TENM3: variants seen among roughly 807,000 people sequenced by gnomAD.
TENM3 encodes the protein teneurin-3.
TENM3 carries 63 observed loss-of-function variants against 255.1 expected under a neutral mutation model. That is an observed-to-expected ratio of 0.25 (90% CI 0.20 to 0.30). TENM3 has a LOEUF of 0.30. TENM3 is among the 10% of genes least tolerant of loss of function. The probability of loss-of-function intolerance (pLI) is 1.00; values close to 1 mark genes in which losing one functional copy is unlikely to be tolerated. For missense variants in TENM3, 2,929 were observed against 3,461.1 expected (o/e 0.85, Z 3.86); for synonymous variants, 1,306 against 1,322.3 (o/e 0.99, Z 0.27).
the TENM3 span, among the ~76,000 whole-genome samples, chr4:182,030,405 CATG>C: frequency 6.6e-6 from 1 of 152,086 alleles, no homozygotes; most frequent in Admixed American, 6.5e-5. Context: ...CTGCAAAAGA[CATG>C]ATGTTGTTCC....
chr4:182,288,164 G>A (rs952856337), intron 1 of TENM3, among the ~76,000 whole-genome samples: 8 of 151,998 alleles, frequency 5.3e-5, no homozygotes, highest in Admixed American at 4.6e-4. Context: ...TCGAACTCCC[G>A]ACCTCAGGTG....
the TENM3 span, among the ~76,000 whole-genome samples, chr4:181,903,355 G>C: frequency 6.6e-6 from 1 of 152,142 alleles, no homozygotes; most frequent in Admixed American, 6.5e-5. Flanking sequence ...ACAGTGTCTA[G>C]AATTATATTA....
intron 3 of TENM3, among the ~76,000 whole-genome samples, chr4:182,506,582 T>A (rs1016202327): frequency 6.6e-6 from 1 of 152,188 alleles, no homozygotes; most frequent in Non-Finnish European, 1.5e-5. Context: ...GTATTAAAAT[T>A]AAAAAATAGT....
the TENM3 span, among the ~76,000 whole-genome samples, chr4:181,678,059 A>G: frequency 1.3e-5 from 2 of 152,142 alleles, no homozygotes; most frequent in East Asian, 1.9e-4. Context: ...TTTTGCCCTC[A>G]TTCAACAAAT....
the TENM3 span, among the ~76,000 whole-genome samples, chr4:181,662,738 C>T: frequency 4.6e-5 from 7 of 152,164 alleles, no homozygotes; most frequent in Admixed American, 3.3e-4. Context: ...CAACTAAGTG[C>T]TTTATATTCT....
intron 3 of TENM3, among the ~76,000 whole-genome samples, chr4:182,358,402 G>A (rs946619374): frequency 6.6e-6 from 1 of 151,054 alleles, no homozygotes; most frequent in Admixed American, 6.6e-5. Context: ...ATTGAGCAGT[G>A]GTTTGTAGTT....
At chr4:182,195,023 TCACACACACA>T (rs70954299) in intron 1 of TENM3, among the ~76,000 whole-genome samples, 18,852 of 146,932 alleles carry the variant, frequency 0.13, 1,418 homozygotes, top group East Asian at 0.31. Flanking sequence ...ACAGTCTCTA[TCACACACACA>T]CACACACACA....
chr4:181,623,010 T>A, the TENM3 span, among the ~76,000 whole-genome samples: 7 of 152,228 alleles, frequency 4.6e-5, no homozygotes, highest in Non-Finnish European at 8.8e-5. Flanking sequence ...GGGACATTGA[T>A]AAACCCTAAG....
chr4:182,531,883 G>A (rs776202164), intron 3 of TENM3, among the ~76,000 whole-genome samples: 1 of 152,200 alleles, frequency 6.6e-6, no homozygotes, highest in South Asian at 2.1e-4. Flanking sequence ...TAAACATGGT[G>A]AGCTGCTCTC....
the TENM3 span, among the ~76,000 whole-genome samples, chr4:181,872,128 G>A: frequency 1.9e-4 from 29 of 151,728 alleles, no homozygotes; most frequent in African/African-American, 5.6e-4. Flanking sequence ...TAAATAATTT[G>A]TGTAGATTTA....
At chr4:181,574,489 C>CAG in the TENM3 span, among the ~76,000 whole-genome samples, 2 of 151,470 alleles carry the variant, frequency 1.3e-5, no homozygotes, top group Non-Finnish European at 2.9e-5. Context: ...CGAGATCGTG[C>CAG]CACTGCAGTC....
At chr4:182,032,410 A>G in the TENM3 span, among the ~76,000 whole-genome samples, 1 of 152,208 alleles carries the variant, frequency 6.6e-6, no homozygotes, top group Non-Finnish European at 1.5e-5. Flanking sequence ...CAACTTGATC[A>G]TGGTGGATGA....
chr4:182,652,617 C>T (rs1753409989), intron 5 of TENM3, among the ~76,000 whole-genome samples: 1 of 152,188 alleles, frequency 6.6e-6, no homozygotes, highest in Non-Finnish European at 1.5e-5. Context: ...CAAAGTCTGA[C>T]TGCATCCAAA....
chr4:181,552,940 GCACCACACACA>G, the TENM3 span, among the ~76,000 whole-genome samples: 1 of 152,082 alleles, frequency 6.6e-6, no homozygotes, highest in African/African-American at 2.4e-5. Context: ...AGACACGCAC[GCACCACACACA>G]CACCACACAC....
At chr4:181,516,883 A>ACTATTATTT in the TENM3 span, among the ~76,000 whole-genome samples, 1 of 152,160 alleles carries the variant, frequency 6.6e-6, no homozygotes, top group Non-Finnish European at 1.5e-5. Flanking sequence ...AGTAAATATT[A>ACTATTATTT]CTATTATTTC....
intron 1 of TENM3, among the ~76,000 whole-genome samples, chr4:182,298,962 G>A (rs1160604251): frequency 1.0e-5 from 1 of 98,766 alleles, no homozygotes; most frequent in Non-Finnish European, 2.0e-5. Flanking sequence ...CCAGGCTTGG[G>A]CAACAGAGCA....
At chr4:182,702,051 TTG>T (rs1279831705) in intron 12 of TENM3, among the ~76,000 whole-genome samples, 1 of 152,162 alleles carries the variant, frequency 6.6e-6, no homozygotes, top group Admixed American at 6.5e-5. Flanking sequence ...ATATGAATAT[TTG>T]TGTGAGTATC....
intron 5 of TENM3, among the ~76,000 whole-genome samples, chr4:182,650,889 A>ATAT (rs1554007797): frequency 1.2e-3 from 35 of 29,704 alleles, no homozygotes; most frequent in Admixed American, 2.2e-3. Flanking sequence ...AATAAAAAAA[A>ATAT]ATATATATAT....
the TENM3 span, among the ~76,000 whole-genome samples, chr4:182,042,288 C>T: frequency 6.4e-4 from 97 of 152,250 alleles, 1 homozygote; most frequent in African/African-American, 2.1e-3. Flanking sequence ...CATGGTCTAG[C>T]AATTTAAAGC....
Sources: gnomAD v4.1 joint callset for allele counts (sites outside exome capture counted in the v4.1 genomes callset) on GRCh38, gnomAD v4.1.1 for gene constraint, MANE v1.5 for transcripts, NCBI Gene and HGNC (gene_info 2026-07-23, HGNC 2026-07-21) for gene names.